The following RAB21 variants were observed in gnomAD, a reference collection of about 807,000 sequenced individuals.
RAB21 encodes the protein ras-related protein Rab-21.
Under a neutral mutation model 33.1 loss-of-function variants are expected in RAB21, and 13 were observed. The observed-to-expected ratio is 0.39, with a 90% CI of 0.26 to 0.62. The LOEUF (loss-of-function observed/expected upper bound fraction) is 0.62, where lower values mean the gene tolerates loss of function less well. Among genes scored for constraint, RAB21 ranks in the 20% least tolerant of loss-of-function variants. The pLI, the probability that RAB21 is intolerant of heterozygous loss-of-function variation, is 0.48. For synonymous variants in RAB21, 91 were observed against 103.7 expected, an observed-to-expected ratio of 0.88 and a Z score of 0.74; for missense variants, 234 against 279.1, an observed-to-expected ratio of 0.84 and a Z score of 1.15.
At chr12:71,773,882 T>G (rs1883079169) in intron 3 of RAB21, 77 bp from the exon 4 acceptor site, 1 of 946,066 alleles carries the variant, frequency 1.1e-6, no homozygotes, top group Non-Finnish European at 1.7e-6. Context: ...ATTTTGACAG[T>G]GTTGAGTTTT....
Position 71,755,073 on chromosome 12 carries a change from C to T in RAB21, c.-57C>T, listed in dbSNP as rs1269289468. Reference sequence around the variant, plus strand: ...CCGGCCGTGGCTGTGAAGGCGCTGCCGCGGCTGTCGGGAGGGCGGCGCGAC... The same window carrying T: ...CCGGCCGTGGCTGTGAAGGCGCTGCTGCGGCTGTCGGGAGGGCGGCGCGAC... On this transcript the variant is annotated 5_prime_UTR_variant, in exon 1 of 7. Transcript: ENST00000261263. 2.9e-6 allele frequency: 3 copies of T among 1,040,090 alleles called. No homozygotes were observed. Among genetic ancestry groups the T allele is most frequent in the Non-Finnish European group, 2.3e-6 (2 of 868,042 alleles). 64.4% of individuals were successfully genotyped at this position (1,040,090 alleles called of 1,614,324 possible).
intron 6 of RAB21, 146 bp downstream of exon 6, chr12:71,782,804 T>G (rs900999270): frequency 3.9e-5 from 22 of 560,878 alleles, no homozygotes; most frequent in Admixed American, 7.4e-5. Flanking sequence ...TGAAGTGCTG[T>G]AACTATTTTT....
rs1883415078 is a variant in RAB21, at chr12:71,793,390, T to C, written c.*7717T>C. The C allele has an allele frequency of 6.6e-6, 1 of 152,084 alleles. No homozygotes were observed. Among genetic ancestry groups the C allele is most frequent in the Admixed American group, 6.6e-5 (1 of 15,266 alleles). 9.4% of individuals were successfully genotyped at this position (152,084 alleles called of 1,614,324 possible). On this transcript the variant is annotated 3_prime_UTR_variant, in exon 7 of 7. Transcript: ENST00000261263. ...TTGAAGATACAGGTCAGAAAGATGG[T>C]TTAATGAATATGAATTTTCTAAACA...
intron 1 of RAB21, among the ~76,000 whole-genome samples, chr12:71,764,832 C>T (rs1210188097): frequency 2.0e-5 from 3 of 151,922 alleles, no homozygotes; most frequent in East Asian, 3.8e-4. Context: ...GTATATATAC[C>T]GCATATTCTT....
In RAB21 at chr12:71,755,158, GGGCGGC is replaced by G; in HGVS notation, c.38_43del (p.Ala13_Ala14del). ...GCTGCGGCCGGCGGCGGCGGCGGCG[GGGCGGC>G]GGCGGCGGGCCGAGCCTACTCGTTC... is the stretch of plus-strand genomic sequence containing the variant. On this transcript the variant is annotated inframe_deletion, in exon 1 of 7. Coordinates refer to ENST00000261263, the MANE Select transcript of RAB21 (RefSeq NM_014999.4). 2 of 1,305,278 alleles carry G rather than the reference GGGCGGC, an allele frequency of 1.5e-6. No homozygotes were observed. The highest frequency in any genetic ancestry group is 2.6e-5 in the South Asian group (1 of 38,334). 80.9% of individuals were successfully genotyped at this position (1,305,278 alleles called of 1,614,324 possible).
At chr12:71,770,281 TAATAC>T (rs1428546389) in intron 2 of RAB21, among the ~76,000 whole-genome samples, 2 of 152,348 alleles carry the variant, frequency 1.3e-5, no homozygotes, top group African/African-American at 4.8e-5. Context: ...TCCTGGCTTA[TAATAC>T]TGTGTTGGTT....
At chr12:71,767,198 T>C (rs928299027) in intron 1 of RAB21, among the ~76,000 whole-genome samples, 3 of 152,198 alleles carry the variant, frequency 2.0e-5, no homozygotes, top group Non-Finnish European at 2.9e-5. Flanking sequence ...AGTGTTGTCA[T>C]GTGTACCCTT....
At chr12:71,764,160 A>G (rs914601326) in intron 1 of RAB21, among the ~76,000 whole-genome samples, 1 of 152,086 alleles carries the variant, frequency 6.6e-6, no homozygotes, top group African/African-American at 2.4e-5. Context: ...CTTTACTGAG[A>G]TGTTGCCAGG....
Position 71,790,164 on chromosome 12 carries a change from C to G in RAB21, c.*4491C>G, listed in dbSNP as rs1388576657. 1 of 152,146 alleles carries G rather than the reference C, an allele frequency of 6.6e-6. No homozygotes were observed. Among genetic ancestry groups the G allele is most frequent in the Non-Finnish European group, 1.5e-5 (1 of 68,004 alleles). The allele number at this position is 152,146 out of a possible 1,614,324, so 9.4% of individuals were successfully genotyped here. ...TTACACAGCATACCCAGTTAGGTCT[C>G]TTATTCTTAAAGCATCTTTCTTTAG... On this transcript the variant is annotated 3_prime_UTR_variant, in exon 7 of 7. Coordinates refer to ENST00000261263, the MANE Select transcript of RAB21 (RefSeq NM_014999.4).
Position 71,790,792 on chromosome 12 carries a change from A to C in RAB21, c.*5119A>C, listed in dbSNP as rs1031632551. On this transcript the variant is annotated 3_prime_UTR_variant, in exon 7 of 7. Coordinates refer to ENST00000261263, the MANE Select transcript of RAB21 (RefSeq NM_014999.4). ...TTGCCATTTGCCTTTTCTCTTGCCA[A>C]CGTGTCTAGGAGCTCTTTGGTAAAT... 6.6e-6 allele frequency: 1 copy of C among 151,646 alleles called. No individual in the cohort carries two copies. Among genetic ancestry groups the C allele is most frequent in the Admixed American group, 6.6e-5 (1 of 15,226 alleles). The allele number at this position is 151,646 out of a possible 1,614,324, so 9.4% of individuals were successfully genotyped here. A position where few individuals can be genotyped will look rare whatever the true frequency, so the allele number is the denominator to read the frequency against.
rs34264044 is a variant in RAB21 at position 71,782,621 on chromosome 12, C to T, written c.498C>T (p.Asn166=). 13,658 of 1,602,342 alleles carry T rather than the reference C, an allele frequency of 8.5e-3. 1,022 individuals carry two copies. In the African/African-American group the frequency reaches 0.16, roughly 19 times the overall value. ...ATTATCATACTTCAGCCAAACAGAA[C>T]AAAGGAATTGAGGAACTCTTTCTTG... The part of the protein sequence containing the change: ...AKHYHTSAKQ[N]KGIEELFLDL... The change falls in exon 6 of 7, where the codon AAC becomes AAT. Residue 166 remains asparagine, a synonymous_variant. Coordinates refer to ENST00000261263, the MANE Select transcript of RAB21 (RefSeq NM_014999.4).
At chr12:71,782,498 C>T (rs1883216472) in intron 5 of RAB21, 72 bp from the exon 6 acceptor site, 2 of 1,027,126 alleles carry the variant, frequency 1.9e-6, no homozygotes, top group Non-Finnish European at 2.9e-6. Context: ...AAAACTGTTA[C>T]TATAAAAAAG....
chr12:71,774,198 GCGC>G, intron 4 of RAB21, 176 bp downstream of exon 4: 1 of 347,780 alleles, frequency 2.9e-6, no homozygotes, highest in Non-Finnish European at 4.9e-6. Context: ...TGTAATTCCA[GCGC>G]CTTGGGAGGC....
At chr12:71,760,219 G>A (rs1038269784) in intron 1 of RAB21, among the ~76,000 whole-genome samples, 2 of 152,276 alleles carry the variant, frequency 1.3e-5, no homozygotes, top group South Asian at 4.1e-4. Flanking sequence ...TGTTTTCACT[G>A]AGATCTACAT....
chr12:71,766,809 A>G (rs1256525796), intron 1 of RAB21, among the ~76,000 whole-genome samples: 1 of 152,148 alleles, frequency 6.6e-6, no homozygotes, highest in Non-Finnish European at 1.5e-5. Context: ...TTTTATGGAC[A>G]GAAGAATTGA....
chr12:71,760,941 C>T (rs200282389), intron 1 of RAB21, among the ~76,000 whole-genome samples: 2 of 151,822 alleles, frequency 1.3e-5, no homozygotes, highest in Admixed American at 6.6e-5. Context: ...TGCAGTGGCT[C>T]GCACCTATAA....
intron 1 of RAB21, among the ~76,000 whole-genome samples, chr12:71,761,538 C>T (rs1882871822): frequency 6.6e-6 from 1 of 151,996 alleles, no homozygotes; most frequent in Non-Finnish European, 1.5e-5. Context: ...ATGAGCCAGG[C>T]ATGATGGTGG....
chr12:71,755,373 G>A, intron 1 of RAB21, 85 bp downstream of exon 1: 1 of 1,380,446 alleles, frequency 7.2e-7, no homozygotes, highest in Non-Finnish European at 9.4e-7. Context: ...TGGTCCCCTG[G>A]ATGTAGGCTG....
intron 4 of RAB21, among the ~76,000 whole-genome samples, chr12:71,780,674 T>G (rs907261393): frequency 6.6e-6 from 1 of 152,184 alleles, no homozygotes; most frequent in Non-Finnish European, 1.5e-5. Context: ...TTCTTGCAGT[T>G]GCCAGCAACT....
Sources: allele counts gnomAD v4.1 joint callset (sites outside exome capture counted in the v4.1 genomes callset), GRCh38; gene constraint gnomAD v4.1.1; transcripts MANE v1.5; gene names NCBI Gene and HGNC (gene_info 2026-07-23, HGNC 2026-07-21).